SCAI: variants seen among roughly 807,000 people sequenced by gnomAD.
SCAI encodes the protein suppressor of cancer cell invasion.
SCAI carries 24 observed loss-of-function variants against 92.2 expected under a neutral mutation model. The observed-to-expected ratio is 0.26, with a 90% confidence interval of 0.19 to 0.37. SCAI has a LOEUF of 0.37. Ranked by LOEUF, SCAI falls within the 10% of genes least tolerant of loss-of-function variation. SCAI has a pLI of 1.00. For synonymous variants in SCAI, 261 were observed against 258.6 expected, an observed-to-expected ratio of 1.01 and a Z score of -0.09; for missense variants, 450 against 736.2, an observed-to-expected ratio of 0.61 and a Z score of 4.50.
rs369836019 is a variant in SCAI, at chr9:124,968,787, G to A, written c.1674+2583C>T. On this transcript the variant is annotated intron_variant, in intron 17 of 17. Coordinates refer to ENST00000336505, the MANE Select transcript of SCAI (RefSeq NM_001144877.3). ...GGCATGGTGGGGTGCGCAGGCCACGGCGATTCCAGTGCGCAGGCCCCAGCA... is the reference window on the plus strand; with the variant it reads ...GGCATGGTGGGGTGCGCAGGCCACGACGATTCCAGTGCGCAGGCCCCAGCA... 1.7e-5 allele frequency: 14 copies of A among 829,038 alleles called. No individual in the cohort carries two copies. In the African/African-American group the frequency reaches 2.0e-4, roughly 12 times the overall value. The allele number at this position is 829,038 out of a possible 1,614,324, so 51.4% of individuals were successfully genotyped here.
Position 124,948,073 on chromosome 9 carries a change from G to C in SCAI, c.*4734C>G. Reference sequence around the variant, plus strand: ...ATTAAACTTGGAGGAGAGTGCTAAAGAAAGCTCCATAATACCTAATACATA... The same window carrying C: ...ATTAAACTTGGAGGAGAGTGCTAAACAAAGCTCCATAATACCTAATACATA... On this transcript the variant is annotated 3_prime_UTR_variant, in exon 18 of 18. Coordinates refer to ENST00000336505, the MANE Select transcript of SCAI (RefSeq NM_001144877.3). The C allele has an allele frequency of 6.6e-6, 1 of 152,208 alleles. No homozygotes were observed. Among genetic ancestry groups the C allele is most frequent in the East Asian group, 1.9e-4 (1 of 5,204 alleles). The allele number at this position is 152,208 out of a possible 1,614,324, so 9.4% of individuals were successfully genotyped here. A position where few individuals can be genotyped will look rare whatever the true frequency, so the allele number is the denominator to read the frequency against.
intron 3 of SCAI, among the ~76,000 whole-genome samples, chr9:125,040,659 C>T (rs1833301337): frequency 1.3e-5 from 2 of 152,084 alleles, no homozygotes; most frequent in Non-Finnish European, 2.9e-5. Flanking sequence ...CAGAGTCTCA[C>T]TCTGTCACCC....
intron 3 of SCAI, among the ~76,000 whole-genome samples, chr9:125,050,359 C>T (rs1448221939): frequency 6.6e-6 from 1 of 152,116 alleles, no homozygotes; most frequent in East Asian, 1.9e-4. Context: ...AAGAAATGCT[C>T]ATAAAGCAAC....
intron 2 of SCAI, among the ~76,000 whole-genome samples, chr9:125,072,911 C>T (rs1834005297): frequency 6.6e-6 from 1 of 151,558 alleles, no homozygotes; most frequent in Non-Finnish European, 1.5e-5. Flanking sequence ...TTTTATATAC[C>T]ATATTTTGCT....
chr9:124,958,495 G>A (rs560184552), intron 17 of SCAI, among the ~76,000 whole-genome samples: 3 of 152,230 alleles, frequency 2.0e-5, no homozygotes, highest in South Asian at 4.1e-4. Context: ...ATGGTACTAG[G>A]ACAACTGCAT....
intron 2 of SCAI, among the ~76,000 whole-genome samples, chr9:125,084,854 T>A (rs953264225): frequency 2.0e-5 from 3 of 152,196 alleles, no homozygotes; most frequent in Non-Finnish European, 2.9e-5. Flanking sequence ...CTTGATAAAA[T>A]TTTTTAAAAA....
intron 2 of SCAI, among the ~76,000 whole-genome samples, chr9:125,069,649 G>A (rs984523643): frequency 1.3e-4 from 16 of 120,196 alleles, no homozygotes; most frequent in Middle Eastern, 7.2e-3. Flanking sequence ...TTGAGACGTC[G>A]TCTTGCTCTT....
At chr9:125,108,639 C>G (rs1276898459) in intron 2 of SCAI, among the ~76,000 whole-genome samples, 2 of 150,338 alleles carry the variant, frequency 1.3e-5, no homozygotes, top group Non-Finnish European at 3.0e-5. Context: ...CGCCCGGCAG[C>G]CGCCCCGTCT....
intron 9 of SCAI, among the ~76,000 whole-genome samples, chr9:125,016,245 G>A (rs1194059596): frequency 2.7e-5 from 4 of 149,928 alleles, no homozygotes; most frequent in East Asian, 1.9e-4. Context: ...AAAATTAACC[G>A]GGCGTGGTGG....
intron 9 of SCAI, among the ~76,000 whole-genome samples, chr9:125,005,724 G>A (rs1383956715): frequency 6.6e-6 from 1 of 152,194 alleles, no homozygotes; most frequent in African/African-American, 2.4e-5. Context: ...TGGGCCTCCT[G>A]GCTAAGAACT....
At position 125,003,147 on chromosome 9, in the gene SCAI, G is replaced by A; in HGVS notation, c.1032C>T (p.Ser344=). ...ACGCTGCTAAGAAGGTATATAGCTG[G>A]CTGAAGGTTGGTTTGTAGAGCAGAT... ...HKYLLYKPTF[S]QLYTFLAASF... Residue 344 remains serine, a synonymous_variant, in exon 11 of 18, where the codon AGC becomes AGT. Coordinates refer to ENST00000336505, the MANE Select transcript of SCAI (RefSeq NM_001144877.3). The A allele has an allele frequency of 6.2e-7, 1 of 1,613,854 alleles. No individual in the cohort carries two copies. The highest frequency in any genetic ancestry group is 1.7e-5 in the Admixed American group (1 of 60,018).
At chr9:125,038,573 T>C (rs1833250112) in intron 3 of SCAI, among the ~76,000 whole-genome samples, 1 of 152,264 alleles carries the variant, frequency 6.6e-6, no homozygotes, top group Non-Finnish European at 1.5e-5. Flanking sequence ...AAATGTTTTT[T>C]AAAATTTCAT....
chr9:125,100,147 T>C (rs992699958), intron 2 of SCAI, among the ~76,000 whole-genome samples: 2 of 152,256 alleles, frequency 1.3e-5, no homozygotes, highest in Admixed American at 6.5e-5. Context: ...CAAATATCAG[T>C]GTATTCTACA....
chr9:124,977,958 G>A (rs1424162213), intron 14 of SCAI, among the ~76,000 whole-genome samples: 5 of 151,644 alleles, frequency 3.3e-5, no homozygotes, highest in Admixed American at 2.6e-4. Flanking sequence ...TAATAAAAGT[G>A]GTGAAAAAAA....
At chr9:125,127,330 T>C (rs1835298824) in intron 2 of SCAI, among the ~76,000 whole-genome samples, 1 of 151,994 alleles carries the variant, frequency 6.6e-6, no homozygotes, top group Admixed American at 6.6e-5. Context: ...GAGGGGTGGA[T>C]CTCTATTATT....
intron 3 of SCAI, among the ~76,000 whole-genome samples, chr9:125,040,661 C>T (rs1833301448): frequency 6.6e-6 from 1 of 152,110 alleles, no homozygotes; most frequent in Non-Finnish European, 1.5e-5. Context: ...GAGTCTCACT[C>T]TGTCACCCAG....
chr9:125,028,546 A>G (rs1489765048), intron 4 of SCAI, 68 bp from the exon 5 acceptor site: 9 of 758,854 alleles, frequency 1.2e-5, no homozygotes, highest in South Asian at 4.3e-5. Flanking sequence ...AAATCTGTAA[A>G]TTCAATAGGA....
intron 9 of SCAI, among the ~76,000 whole-genome samples, chr9:125,018,125 C>T (rs1419426818): frequency 6.6e-6 from 1 of 152,002 alleles, no homozygotes; most frequent in East Asian, 1.9e-4. Context: ...GACAGAGTCT[C>T]GCTCTGTCAC....
chr9:124,982,271 A>G (rs890977333), intron 14 of SCAI, among the ~76,000 whole-genome samples: 1 of 152,236 alleles, frequency 6.6e-6, no homozygotes, highest in African/African-American at 2.4e-5. Flanking sequence ...GATCAAAGAC[A>G]TGATCAAAGC....
Sources: gnomAD v4.1 joint callset for allele counts (sites outside exome capture counted in the v4.1 genomes callset) on GRCh38, gnomAD v4.1.1 for gene constraint, MANE v1.5 for transcripts, NCBI Gene and HGNC (gene_info 2026-07-23, HGNC 2026-07-21) for gene names.